The following RAD51B variants were observed in gnomAD, a reference collection of about 807,000 sequenced individuals.
The protein encoded by RAD51B is RAD51 paralog B.
Under a neutral mutation model 42.2 loss-of-function variants are expected in RAD51B, and 38 were observed. The ratio of observed to expected loss-of-function variants is 0.90; its 90% CI spans 0.70 to 1.18. RAD51B has a LOEUF of 1.18. Among genes scored for constraint, RAD51B ranks in the 50% most tolerant of loss-of-function variants. The pLI, the probability that RAD51B is intolerant of heterozygous loss-of-function variation, is 0.00. For missense variants in RAD51B, 373 were observed against 400.7 expected, an observed-to-expected ratio of 0.93 and a Z score of 0.59; for synonymous variants, 154 against 145.2, an observed-to-expected ratio of 1.06 and a Z score of -0.43.
intron 7 of RAD51B, among the ~76,000 whole-genome samples, chr14:68,288,647 G>T (rs188585893): frequency 4.6e-4 from 70 of 152,328 alleles, no homozygotes; most frequent in Middle Eastern, 3.4e-3. Flanking sequence ...AGGAAAAGTG[G>T]TCTAAATATT....
intron 7 of RAD51B, among the ~76,000 whole-genome samples, chr14:68,144,453 C>T (rs572598942): frequency 8.5e-5 from 13 of 152,284 alleles, no homozygotes; most frequent in African/African-American, 2.6e-4. Flanking sequence ...TAAGTTATTG[C>T]GCTTGCACAG....
At chr14:68,365,976 G>A (rs2083134530) in intron 8 of RAD51B, among the ~76,000 whole-genome samples, 1 of 152,130 alleles carries the variant, frequency 6.6e-6, no homozygotes, top group Non-Finnish European at 1.5e-5. Flanking sequence ...TTTTCCAGAT[G>A]TTTCTGTTGA....
intron 7 of RAD51B, among the ~76,000 whole-genome samples, chr14:68,261,739 T>TCCC (rs2080894555): frequency 5.9e-5 from 9 of 152,172 alleles, no homozygotes; most frequent in Non-Finnish European, 8.8e-5. Flanking sequence ...TTAGGTATTT[T>TCCC]TAAATCCCTG....
At position 68,408,672 on chromosome 14, in the gene RAD51B, T is replaced by C. The variant is rs530230011; in HGVS notation, c.854-2752T>C. 1.9e-4 allele frequency among the ~76,000 whole-genome samples: 29 copies of C among 152,338 alleles called. 1 individual carries two copies. The South Asian group carries it at 6.0e-3, about 32-fold the overall frequency. ...GGAAATTATACTTAAAAAGCATTGA[T>C]TTCTGGCTTCCGTTTTAAAAATCAA... On this transcript the variant is annotated intron_variant, in intron 8 of 10. Transcript: ENST00000471583.
intron 8 of RAD51B, among the ~76,000 whole-genome samples, chr14:68,298,511 A>T (rs1320218478): frequency 6.6e-6 from 1 of 152,180 alleles, no homozygotes; most frequent in Non-Finnish European, 1.5e-5. Context: ...TTTGTGTGGG[A>T]GTTGGGCTAG....
intron 8 of RAD51B, among the ~76,000 whole-genome samples, chr14:68,335,957 T>C (rs2082447277): frequency 6.6e-6 from 1 of 152,200 alleles, no homozygotes; most frequent in Non-Finnish European, 1.5e-5. Context: ...TGAGAGAAGG[T>C]TTATCAGAAG....
At chr14:68,259,756 G>A (rs2080838252) in intron 7 of RAD51B, among the ~76,000 whole-genome samples, 1 of 152,130 alleles carries the variant, frequency 6.6e-6, no homozygotes, top group African/African-American at 2.4e-5. Context: ...CCCTTTTCTA[G>A]TGCTTAGGTA....
intron 7 of RAD51B, among the ~76,000 whole-genome samples, chr14:67,945,252 C>T (rs2045349682): frequency 6.6e-6 from 1 of 152,170 alleles, no homozygotes; most frequent in Non-Finnish European, 1.5e-5. Context: ...CAGCCTAAGA[C>T]CATGTTAACT....
Position 67,959,174 on chromosome 14 carries a change from A to T in RAD51B, c.756+71970A>T, listed in dbSNP as rs1243407399. Among the ~76,000 whole-genome samples the T allele has an allele frequency of 4.6e-5, 7 of 152,004 alleles. No homozygotes were observed. In the South Asian group the frequency reaches 1.4e-3, roughly 31 times the overall value. On this transcript the variant is annotated intron_variant, in intron 7 of 10. Transcript: ENST00000471583. ...ACATATAAAATAATAATCACCTGCT[A>T]GTGTTACCAATGCTGATTATGATTT...
intron 5 of RAD51B, among the ~76,000 whole-genome samples, chr14:67,869,526 A>G (rs2042448861): frequency 6.6e-6 from 1 of 152,236 alleles, no homozygotes. Flanking sequence ...GATATTATCC[A>G]GGAGAACTTC....
chr14:68,639,740 A>G (rs1168630706), intron 10 of RAD51B, among the ~76,000 whole-genome samples: 1 of 151,966 alleles, frequency 6.6e-6, no homozygotes, highest in Non-Finnish European at 1.5e-5. Context: ...GGCCTGTGGG[A>G]GAGGTGGGCA....
downstream of RAD51B, among the ~76,000 whole-genome samples, chr14:68,615,211 G>A (rs182107669): frequency 6.6e-6 from 1 of 152,306 alleles, no homozygotes; most frequent in East Asian, 1.9e-4. Context: ...AGAGAGGAAT[G>A]ATGAAATGTA....
intron 7 of RAD51B, among the ~76,000 whole-genome samples, chr14:68,112,314 C>T (rs2077472245): frequency 6.6e-6 from 1 of 151,958 alleles, no homozygotes; most frequent in South Asian, 2.1e-4. Flanking sequence ...TCTCAACTGT[C>T]CTCCTTTGAG....
intron 7 of RAD51B, among the ~76,000 whole-genome samples, chr14:68,063,634 G>A (rs1167864159): frequency 2.0e-5 from 3 of 152,154 alleles, no homozygotes; most frequent in Non-Finnish European, 4.4e-5. Flanking sequence ...TACTCAGGAG[G>A]CTGAGGCAGG....
At chr14:68,292,485 C>CT (rs1480055554) in intron 8 of RAD51B, among the ~76,000 whole-genome samples, 1 of 152,218 alleles carries the variant, frequency 6.6e-6, no homozygotes, top group Non-Finnish European at 1.5e-5. Context: ...AAAGGTCAGG[C>CT]TGGCTATGGT....
At chr14:68,193,173 G>C (rs1449535956) in intron 7 of RAD51B, among the ~76,000 whole-genome samples, 1 of 152,110 alleles carries the variant, frequency 6.6e-6, no homozygotes, top group Admixed American at 6.6e-5. Flanking sequence ...AGCCTGGATA[G>C]TGTTGTTACC....
intron 7 of RAD51B, among the ~76,000 whole-genome samples, chr14:68,217,144 T>C (rs999776771): frequency 1.3e-5 from 2 of 152,170 alleles, no homozygotes; most frequent in Admixed American, 1.3e-4. Context: ...GGATGCTGCC[T>C]CCCCTGCTGC....
At chr14:68,141,431 A>G (rs1408294679) in intron 7 of RAD51B, among the ~76,000 whole-genome samples, 3 of 152,178 alleles carry the variant, frequency 2.0e-5, no homozygotes, top group African/African-American at 7.2e-5. Flanking sequence ...CATGGGAAAG[A>G]ATATACTACT....
chr14:67,931,112 A>G (rs2044716029), intron 7 of RAD51B, among the ~76,000 whole-genome samples: 2 of 151,814 alleles, frequency 1.3e-5, no homozygotes, highest in Admixed American at 6.6e-5. Context: ...TATTAGAGAC[A>G]GGGTTTCACC....
Sources: gnomAD v4.1 joint callset for allele counts (sites outside exome capture counted in the v4.1 genomes callset) on GRCh38, gnomAD v4.1.1 for gene constraint, MANE v1.5 for transcripts, NCBI Gene and HGNC (gene_info 2026-07-23, HGNC 2026-07-21) for gene names.